RNF216: variants seen among roughly 807,000 people sequenced by gnomAD.
RNF216 encodes ring finger protein 216.
A neutral mutation model predicts 110.8 loss-of-function variants in RNF216; 72 were observed. The ratio of observed to expected loss-of-function variants is 0.65; its 90% confidence interval spans 0.54 to 0.79. The LOEUF (loss-of-function observed/expected upper bound fraction) is 0.79, where lower values mean the gene tolerates loss of function less well. Among genes scored for constraint, RNF216 ranks in the 30% least tolerant of loss-of-function variants. The pLI, the probability that RNF216 is intolerant of heterozygous loss-of-function variation, is 0.00. For missense variants in RNF216, 1,342 were observed against 1,141.2 expected (o/e 1.18, Z -2.54); for synonymous variants, 495 against 407.5 (o/e 1.21, Z -2.59).
At chr7:5,694,754 G>T (rs1290409222) in intron 13 of RNF216, among the ~76,000 whole-genome samples, 1 of 152,174 alleles carries the variant, frequency 6.6e-6, no homozygotes, top group Non-Finnish European at 1.5e-5. Context: ...GTGTTGGGCT[G>T]GTCTCCTGGT....
At chr7:5,718,483 A>AAT (rs1006788790) in intron 9 of RNF216, among the ~76,000 whole-genome samples, 8 of 152,216 alleles carry the variant, frequency 5.3e-5, no homozygotes, top group Non-Finnish European at 1.5e-5. Flanking sequence ...AAATTTTTAC[A>AAT]ACCTTAGACA....
intron 15 of RNF216, among the ~76,000 whole-genome samples, chr7:5,637,356 G>A (rs1443259289): frequency 6.6e-6 from 1 of 152,210 alleles, no homozygotes; most frequent in Admixed American, 6.5e-5. Flanking sequence ...AGTGACAGGA[G>A]GGCAGGCTAG....
At chr7:5,737,128 T>A (rs6956564) in intron 5 of RNF216, among the ~76,000 whole-genome samples, 9,820 of 152,280 alleles carry the variant, frequency 0.064, 522 homozygotes, top group African/African-American at 0.14. Context: ...TGTTGCTGTG[T>A]CTGTGTAGAA....
chr7:5,686,753 C>T (rs1791012100), intron 13 of RNF216, among the ~76,000 whole-genome samples: 1 of 152,196 alleles, frequency 6.6e-6, no homozygotes, highest in Non-Finnish European at 1.5e-5. Context: ...ATTTTTGGTC[C>T]TAGGAACCAG....
chr7:5,656,778 T>C (rs1357840482), intron 13 of RNF216, among the ~76,000 whole-genome samples: 3 of 152,212 alleles, frequency 2.0e-5, no homozygotes, highest in Non-Finnish European at 4.4e-5. Context: ...TGAATAATGA[T>C]TAATGAATAA....
In RNF216 at chr7:5,716,708, C is replaced by G; in HGVS notation, c.1695+8G>C. 6.3e-7 allele frequency: 1 copy of G among 1,577,600 alleles called. No individual in the cohort carries two copies. The highest frequency in any genetic ancestry group is 8.6e-7 in the Non-Finnish European group (1 of 1,158,740). On this transcript the variant is annotated splice_region_variant and intron_variant, in intron 10 of 16. Transcript: ENST00000389902. Reference sequence around the variant, plus strand: ...GCCCAGAATAAACAAGGTGAGATTTCAAACTACCTTTTGATACTGTTCTTC... The same window carrying G: ...GCCCAGAATAAACAAGGTGAGATTTGAAACTACCTTTTGATACTGTTCTTC...
intron 4 of RNF216, 44 bp from the exon 5 acceptor site, chr7:5,739,396 T>G: frequency 1.3e-6 from 2 of 1,556,262 alleles, no homozygotes; most frequent in Non-Finnish European, 1.8e-6. Context: ...TTCACTAGAA[T>G]GGTTTCAAAT....
At chr7:5,734,825 AAAATAAATAAATAAAT>A (rs577475175) in intron 5 of RNF216, among the ~76,000 whole-genome samples, 21 of 118,144 alleles carry the variant, frequency 1.8e-4, no homozygotes, top group South Asian at 1.5e-3. Context: ...ACTCTCTCTC[AAAATAAATAAATAAAT>A]AAATAAATAA....
rs116683012 is a variant in RNF216 at position 5,770,072 on chromosome 7, C to T, written c.-69-8934G>A. Among the ~76,000 whole-genome samples the T allele has an allele frequency of 8.8e-3, 1,148 of 130,828 alleles. 16 individuals are homozygous for T. Among genetic ancestry groups the T allele is most frequent in the African/African-American group, 0.032 (1,084 of 34,090 alleles). The allele number at this position is 130,828 out of a possible 152,430, so 85.8% of individuals were successfully genotyped here. On this transcript the variant is annotated intron_variant, in intron 1 of 16. Coordinates refer to ENST00000389902, the MANE Select transcript of RNF216 (RefSeq NM_207111.4). ...AAAAAAAGACTGAAAATCGGCTGGGCGTGGTGGCTCACGCCTGTAGTCCCA... is the reference window on the plus strand; with the variant it reads ...AAAAAAAGACTGAAAATCGGCTGGGTGTGGTGGCTCACGCCTGTAGTCCCA...
chr7:5,658,474 T>C (rs534512946), intron 13 of RNF216, among the ~76,000 whole-genome samples: 20 of 151,928 alleles, frequency 1.3e-4, no homozygotes, highest in African/African-American at 4.6e-4. Context: ...CTGGCAAACA[T>C]AGTGAGACCC....
intron 15 of RNF216, among the ~76,000 whole-genome samples, chr7:5,636,933 G>A (rs1265127384): frequency 6.6e-6 from 1 of 152,192 alleles, no homozygotes; most frequent in Non-Finnish European, 1.5e-5. Context: ...GAAGCAACGG[G>A]AGGAGGCAGC....
At position 5,781,614 on chromosome 7, in the gene RNF216, C is replaced by CGCAGCTGCGAGCTCCGTG; in HGVS notation, c.-161_-144dup. The CGCAGCTGCGAGCTCCGTG allele has an allele frequency of 6.6e-6, 1 of 152,416 alleles. No homozygotes were observed. Among genetic ancestry groups the CGCAGCTGCGAGCTCCGTG allele is most frequent in the East Asian group, 1.9e-4 (1 of 5,182 alleles). 9.4% of individuals were successfully genotyped at this position (152,416 alleles called of 1,614,324 possible). On this transcript the variant is annotated 5_prime_UTR_variant, in exon 1 of 17. Coordinates refer to ENST00000389902, the MANE Select transcript of RNF216 (RefSeq NM_207111.4). The stretch of plus-strand genomic sequence containing the variant: ...ACCGCGCCGCTTACTCCTCAGAAGC[C>CGCAGCTGCGAGCTCCGTG]GCAGCTGCGAGCTCCGTGGCAGCCG...
At chr7:5,763,782 A>C (rs1490175502) in intron 1 of RNF216, among the ~76,000 whole-genome samples, 1 of 152,162 alleles carries the variant, frequency 6.6e-6, no homozygotes, top group East Asian at 1.9e-4. Flanking sequence ...TATGCTGCCC[A>C]GGCTGGTTTG....
chr7:5,685,053 G>A (rs974981056), intron 13 of RNF216, among the ~76,000 whole-genome samples: 4 of 152,094 alleles, frequency 2.6e-5, no homozygotes, highest in African/African-American at 4.8e-5. Context: ...GGTGAGCCAC[G>A]CTCTGGATGA....
At chr7:5,713,391 C>G (rs1792839948) in intron 11 of RNF216, 1 of 152,962 alleles carries the variant, frequency 6.5e-6, no homozygotes, top group Admixed American at 6.5e-5. Flanking sequence ...CTGGAAACCA[C>G]TCATAGAGGA....
At chr7:5,766,376 T>C (rs1796208770) in intron 1 of RNF216, among the ~76,000 whole-genome samples, 1 of 152,192 alleles carries the variant, frequency 6.6e-6, no homozygotes, top group East Asian at 1.9e-4. Context: ...GGCCTCCAAA[T>C]TCCTATATTG....
intron 13 of RNF216, among the ~76,000 whole-genome samples, chr7:5,700,517 T>TG (rs1791897363): frequency 6.6e-6 from 1 of 152,172 alleles, no homozygotes; most frequent in Non-Finnish European, 1.5e-5. Context: ...AGGAACTTAA[T>TG]AGGTGGTGTG....
At chr7:5,742,235 T>C (rs1584552679) in intron 3 of RNF216, among the ~76,000 whole-genome samples, 1 of 151,998 alleles carries the variant, frequency 6.6e-6, no homozygotes, top group Non-Finnish European at 1.5e-5. Context: ...CTAAGAGAGA[T>C]GGGGTTTTGC....
At chr7:5,699,114 C>A (rs374256724) in intron 13 of RNF216, among the ~76,000 whole-genome samples, 1 of 152,014 alleles carries the variant, frequency 6.6e-6, no homozygotes, top group Non-Finnish European at 1.5e-5. Flanking sequence ...ACCCTATGCA[C>A]CCATTATCGT....
Sources: allele counts gnomAD v4.1 joint callset (sites outside exome capture counted in the v4.1 genomes callset), GRCh38; gene constraint gnomAD v4.1.1; transcripts MANE v1.5; gene names NCBI Gene and HGNC (gene_info 2026-07-23, HGNC 2026-07-21).